MEX3C: variants seen among roughly 807,000 people sequenced by gnomAD.
The protein encoded by MEX3C is RNA-binding E3 ubiquitin-protein ligase MEX3C.
A neutral mutation model predicts 35.5 loss-of-function variants in MEX3C; 15 were observed. The ratio of observed to expected loss-of-function variants is 0.42; its 90% CI spans 0.28 to 0.65. The LOEUF (loss-of-function observed/expected upper bound fraction) is 0.65, where lower values mean the gene tolerates loss of function less well. Ranked by LOEUF, MEX3C falls within the 30% of genes least tolerant of loss-of-function variation. MEX3C has a pLI of 0.20. For synonymous variants in MEX3C, 390 were observed against 352.8 expected (o/e 1.11, Z -1.18); for missense variants, 711 against 842.8 (o/e 0.84, Z 1.94).
At position 51,177,884 on chromosome 18, in the gene MEX3C, C is replaced by G. The variant is rs1339541434; in HGVS notation, c.755-308G>C. Among the ~76,000 whole-genome samples, 2 of 152,182 alleles carry G rather than the reference C, an allele frequency of 1.3e-5. No individual in the cohort carries two copies. The highest frequency in any genetic ancestry group is 1.3e-4 in the Admixed American group (2 of 15,286). On this transcript the variant is annotated intron_variant, in intron 1 of 1. Transcript: ENST00000406189. This position sits in a 1 kb window ranked among gnomAD's most constrained non-coding sequence, Gnocchi z 4.2. Reference sequence around the variant, plus strand: ...TTCCTCTGTAAAACTCAATTGATGACAAAAACACCGTGCTCATGGCTAGTA... The same window carrying G: ...TTCCTCTGTAAAACTCAATTGATGAGAAAAACACCGTGCTCATGGCTAGTA...
chr18:51,196,757 G>A lies in MEX3C; in HGVS notation c.564C>T (p.Tyr188=), dbSNP rs1367577493. ...TCATGCCCTGGGCATCGTCCCCTCC[G>A]TACAGCACCCCCGCCGCCGCCGCCG... ...AAAAAAAGVL[Y]GGDDAQGMMA... is the part of the protein sequence containing the mutation. Residue 188 remains tyrosine, a synonymous_variant, in exon 1 of 2, where the codon TAC becomes TAT. Transcript: ENST00000406189. The A allele has an allele frequency of 3.3e-6, 5 of 1,512,624 alleles. No individual in the cohort carries two copies. Among genetic ancestry groups the A allele is most frequent in the East Asian group, 2.5e-5 (1 of 39,892 alleles). 93.7% of individuals were successfully genotyped at this position (1,512,624 alleles called of 1,614,324 possible).
At chr18:51,190,286 A>G (rs2144556562) in intron 1 of MEX3C, among the ~76,000 whole-genome samples, 1 of 152,342 alleles carries the variant, frequency 6.6e-6, no homozygotes, top group East Asian at 1.9e-4. Flanking sequence ...AGAAAGGCAG[A>G]AGAGAAGGCA....
Position 51,177,520 on chromosome 18 carries a change from G to C in MEX3C, c.811C>G (p.Arg271Gly), listed in dbSNP as rs975750691. ...KTNTYIKTPV[R>G]GEEPIFVVTG... The stretch of plus-strand genomic sequence containing the variant: ...ACAACAAAAATGGGCTCTTCACCAC[G>C]AACAGGAGTCTTGATATACGTGTTT... The change falls in exon 2 of 2, where the codon CGT (arginine) becomes GGT (glycine). Residue 271 changes from arginine (R) to glycine (G), a missense_variant. Physicochemically the swap from Arg to Gly is moderately radical, Grantham distance 125. Coordinates refer to ENST00000406189, the MANE Select transcript of MEX3C (RefSeq NM_016626.5). This position sits in a 1 kb window ranked among gnomAD's most constrained non-coding sequence, Gnocchi z 4.2. The C allele has an allele frequency of 1.2e-6, 2 of 1,613,742 alleles. No homozygotes were observed. Among genetic ancestry groups the C allele is most frequent in the Admixed American group, 1.7e-5 (1 of 59,988 alleles).
chr18:51,180,660 C>A lies in MEX3C; in HGVS notation c.755-3084G>T, dbSNP rs540856598. The stretch of plus-strand genomic sequence containing the variant: ...ACCCGGGTAATTTTTAAAATATATT[C>A]TTAGTAGAGACGGGTTTTCACCATG... On this transcript the variant is annotated intron_variant, in intron 1 of 1. Transcript: ENST00000406189. Among the ~76,000 whole-genome samples, 4 of 152,140 alleles carry A rather than the reference C, an allele frequency of 2.6e-5. No individual in the cohort carries two copies. The South Asian group carries it at 8.3e-4, about 32-fold the overall frequency.
chr18:51,193,378 A>C (rs564794710), intron 1 of MEX3C: 1 of 152,210 alleles, frequency 6.6e-6, no homozygotes, highest in Non-Finnish European at 1.5e-5. Context: ...ATTTAGTATT[A>C]ATTTATAATG....
rs1912810948 is a variant in MEX3C at position 51,196,877 on chromosome 18, C to T, written c.444G>A (p.Ala148=). 3.9e-6 allele frequency: 6 copies of T among 1,539,846 alleles called. No homozygotes were observed. In the East Asian group the frequency reaches 1.2e-4, roughly 32 times the overall value. The change falls in exon 1 of 2, where the codon GCG becomes GCA. Residue 148 remains alanine, a synonymous_variant. Coordinates refer to ENST00000406189, the MANE Select transcript of MEX3C (RefSeq NM_016626.5). ...RSSLLLLSPP[A]ATASQTQQIP... ...TCTGCTGGGTCTGAGAGGCGGTGGC[C>T]GCGGGCGGCGACAGCAGCAGCAGCG...
Position 51,196,254 on chromosome 18 carries a change from C to G in MEX3C, c.754+313G>C, listed in dbSNP as rs567940985. 1.1e-4 allele frequency: 52 copies of G among 464,216 alleles called. 3 individuals are homozygous for G. The South Asian group carries it at 1.5e-3, about 14-fold the overall frequency. The allele number at this position is 464,216 out of a possible 1,614,324, so 28.8% of individuals were successfully genotyped here. ...ACAACTCCTCGAGCCCGACCTTTTA[C>G]CACCTCACTGAGGTTTCTGGTGCCA... On this transcript the variant is annotated intron_variant, in intron 1 of 1. Transcript: ENST00000406189.
chr18:51,197,458 C>A lies in MEX3C; in HGVS notation c.-138G>T. On this transcript the variant is annotated 5_prime_UTR_variant, in exon 1 of 2. Transcript: ENST00000406189. ...TGGGGAGGCGGCGGGGCTGGGGACCCGGGCCGAGGAGCGCCAGGGCCGCCC... is the reference window on the plus strand; with the variant it reads ...TGGGGAGGCGGCGGGGCTGGGGACCAGGGCCGAGGAGCGCCAGGGCCGCCC... 6.9e-6 allele frequency: 1 copy of A among 145,982 alleles called. No homozygotes were observed. The highest frequency in any genetic ancestry group is 2.1e-4 in the South Asian group (1 of 4,782). The allele number at this position is 145,982 out of a possible 1,614,324, so 9.0% of individuals were successfully genotyped here. A position where few individuals can be genotyped will look rare whatever the true frequency, so the allele number is the denominator to read the frequency against.
chr18:51,191,508 A>C (rs1599256699), intron 1 of MEX3C, among the ~76,000 whole-genome samples: 1 of 152,214 alleles, frequency 6.6e-6, no homozygotes, highest in East Asian at 1.9e-4. Flanking sequence ...CAGCATAACA[A>C]GCCCATCTTG....
chr18:51,183,885 G>C (rs1912480099), intron 1 of MEX3C, among the ~76,000 whole-genome samples: 1 of 152,152 alleles, frequency 6.6e-6, no homozygotes, highest in South Asian at 2.1e-4. Flanking sequence ...TGGAGTCCTA[G>C]CTATATGGGA....
At chr18:51,190,378 C>T (rs374208673) in intron 1 of MEX3C, among the ~76,000 whole-genome samples, 12 of 152,136 alleles carry the variant, frequency 7.9e-5, no homozygotes, top group African/African-American at 2.4e-4. Context: ...ACATTGGTAA[C>T]CATTTTGGGA....
rs1452705082 is a variant in MEX3C at position 51,177,636 on chromosome 18, CAA to C, written c.755-62_755-61del. The stretch of plus-strand genomic sequence containing the variant: ...TCTACTTCAATGATATATATAAAGA[CAA>C]ATCACAGAATGCACCTTTTAAGCTA... On this transcript the variant is annotated intron_variant, in intron 1 of 1. Transcript: ENST00000406189. The surrounding 1 kb of genome is among the most constrained non-coding windows in gnomAD (Gnocchi z 4.2). 2.7e-6 allele frequency: 4 copies of C among 1,495,386 alleles called. No individual in the cohort carries two copies. In the African/African-American group the frequency reaches 5.6e-5, roughly 21 times the overall value. The allele number at this position is 1,495,386 out of a possible 1,614,324, so 92.6% of individuals were successfully genotyped here. A position where few individuals can be genotyped will look rare whatever the true frequency, so the allele number is the denominator to read the frequency against.
intron 1 of MEX3C, among the ~76,000 whole-genome samples, chr18:51,189,551 C>T (rs1333867186): frequency 6.6e-6 from 1 of 152,130 alleles, no homozygotes; most frequent in Non-Finnish European, 1.5e-5. Flanking sequence ...TCTAAAACCC[C>T]TCTTTTTTCA....
chr18:51,181,204 A>G (rs1306372081), intron 1 of MEX3C, among the ~76,000 whole-genome samples: 1 of 152,190 alleles, frequency 6.6e-6, no homozygotes, highest in Non-Finnish European at 1.5e-5. Context: ...TGTATTTTTT[A>G]AGTTGCTACA....
intron 1 of MEX3C, among the ~76,000 whole-genome samples, chr18:51,185,399 C>G (rs569152899): frequency 1.3e-5 from 2 of 152,222 alleles, no homozygotes; most frequent in Admixed American, 6.5e-5. Context: ...AGGTTTTCTG[C>G]TTTTAGGGTC....
intron 1 of MEX3C, among the ~76,000 whole-genome samples, chr18:51,186,392 G>T (rs1414089477): frequency 1.5e-4 from 23 of 152,218 alleles, no homozygotes; most frequent in Non-Finnish European, 4.4e-5. Context: ...GGTTTTGCCA[G>T]ATGGGAAGGA....
At position 51,185,802 on chromosome 18, in the gene MEX3C, G is replaced by A. The variant is rs1234016893; in HGVS notation, c.755-8226C>T. 5.9e-5 allele frequency among the ~76,000 whole-genome samples: 9 copies of A among 152,120 alleles called. No homozygotes were observed. The South Asian group carries it at 8.3e-4, about 14-fold the overall frequency. On this transcript the variant is annotated intron_variant, in intron 1 of 1. Coordinates refer to ENST00000406189, the MANE Select transcript of MEX3C (RefSeq NM_016626.5). ...GGGCTGAGTGTGGTGGCTCATGTCC[G>A]TAATCCCAACACTTTGGGAGGCAGA...
chr18:51,179,283 G>C (rs1912374080), intron 1 of MEX3C, among the ~76,000 whole-genome samples: 1 of 152,074 alleles, frequency 6.6e-6, no homozygotes, highest in African/African-American at 2.4e-5. Context: ...ATTACAGGCG[G>C]GAGCCACCGC....
chr18:51,184,867 G>GA (rs58366081), intron 1 of MEX3C, among the ~76,000 whole-genome samples: 53,332 of 146,462 alleles, frequency 0.36, 10,488 homozygotes, highest in Non-Finnish European at 0.46. Flanking sequence ...CCAAAGAAAA[G>GA]AAAAAAAAAA....
Sources: allele counts gnomAD v4.1 joint callset (sites outside exome capture counted in the v4.1 genomes callset), GRCh38; gene constraint gnomAD v4.1.1; non-coding constraint Gnocchi (gnomAD v3.1); transcripts MANE v1.5; gene names NCBI Gene and HGNC (gene_info 2026-07-23, HGNC 2026-07-21).